LRIG3: variants seen among roughly 807,000 people sequenced by gnomAD.
LRIG3 encodes the protein leucine rich repeats and immunoglobulin like domains 3.
In LRIG3, 76 loss-of-function variants were observed where a neutral mutation model predicts 114.5. The ratio of observed to expected loss-of-function variants is 0.66; its 90% CI spans 0.55 to 0.80. The LOEUF (loss-of-function observed/expected upper bound fraction) is 0.80. Among genes scored for constraint, LRIG3 ranks in the 30% least tolerant of loss-of-function variants. The pLI is 0.00. For missense variants in LRIG3, 1,239 were observed against 1,382.8 expected (o/e 0.90, Z 1.65); for synonymous variants, 512 against 519.8 (o/e 0.98, Z 0.20).
chr12:58,883,635 A>AT, intron 10 of LRIG3, 44 bp from the exon 11 acceptor site: 1 of 1,441,720 alleles, frequency 6.9e-7, no homozygotes, highest in Non-Finnish European at 9.4e-7. Context: ...AACTACCATC[A>AT]TTTCGTGCTT....
intron 10 of LRIG3, among the ~76,000 whole-genome samples, chr12:58,885,313 T>A (rs1213584810): frequency 6.6e-6 from 1 of 152,216 alleles, no homozygotes; most frequent in African/African-American, 2.4e-5. Context: ...AACTCTCCTA[T>A]GTCACTCTTA....
intron 9 of LRIG3, among the ~76,000 whole-genome samples, chr12:58,886,376 A>C (rs1241916718): frequency 6.6e-6 from 1 of 151,980 alleles, no homozygotes; most frequent in Non-Finnish European, 1.5e-5. Context: ...GGTTAATTAT[A>C]AGATGTTTTC....
chr12:58,873,989 GCT>G (rs1239462657), intron 18 of LRIG3, 64 bp downstream of exon 18: 1 of 1,546,082 alleles, frequency 6.5e-7, no homozygotes, highest in South Asian at 1.2e-5. Context: ...GGCTGTCATT[GCT>G]CTCTCACACA....
chr12:58,874,537 A>G lies in LRIG3; in HGVS notation c.2732T>C (p.Val911Ala), dbSNP rs756187986. 1.2e-6 allele frequency: 2 copies of G among 1,614,234 alleles called. No individual in the cohort carries two copies. The highest frequency in any genetic ancestry group is 1.7e-6 in the Non-Finnish European group (2 of 1,180,032). The change falls in exon 17 of 19, where the codon GTG (valine) becomes GCG (alanine). Residue 911 changes from valine to alanine, a missense_variant. By Grantham distance (64) the Val-to-Ala change is moderately conservative (BLOSUM62 0). Transcript: ENST00000320743. ...AAGGAACAGATCTGTGGCAGCTTCC[A>G]CATCAGCTTCACTGCTATTGTCAAT... ...CHIDNSSEAD[V>A]EAATDLFLCP... is the part of the protein sequence containing the mutation.
At chr12:58,894,240 GCTGT>G (rs1396839653) in intron 3 of LRIG3, among the ~76,000 whole-genome samples, 2 of 152,186 alleles carry the variant, frequency 1.3e-5, no homozygotes, top group East Asian at 1.9e-4. Flanking sequence ...CGTGCACAGT[GCTGT>G]CTTTGTCAGC....
intron 8 of LRIG3, among the ~76,000 whole-genome samples, chr12:58,887,362 ATTTAACTCCCT>A (rs545768557): frequency 7.2e-4 from 110 of 152,336 alleles, no homozygotes; most frequent in African/African-American, 2.4e-3. Flanking sequence ...AGGTCAATTA[ATTTAACTCCCT>A]TTTCTTTCTC....
intron 3 of LRIG3, among the ~76,000 whole-genome samples, chr12:58,909,570 T>C (rs1313215289): frequency 6.6e-6 from 1 of 152,236 alleles, no homozygotes; most frequent in East Asian, 1.9e-4. Flanking sequence ...ACATTGTAGT[T>C]GAATGAATCG....
intron 4 of LRIG3, 98 bp from the exon 5 acceptor site, chr12:58,890,237 C>A (rs1027171867): frequency 2.4e-6 from 3 of 1,258,898 alleles, no homozygotes; most frequent in Non-Finnish European, 2.2e-6. Flanking sequence ...AGAACTTAAC[C>A]ATCAATGGAA....
intron 3 of LRIG3, among the ~76,000 whole-genome samples, chr12:58,891,390 G>A (rs1297103313): frequency 6.6e-6 from 1 of 152,074 alleles, no homozygotes; most frequent in African/African-American, 2.4e-5. Flanking sequence ...TTACAGGTGT[G>A]AGCCACCACA....
At chr12:58,904,429 C>T (rs1220378462) in intron 3 of LRIG3, among the ~76,000 whole-genome samples, 3 of 152,148 alleles carry the variant, frequency 2.0e-5, no homozygotes, top group Non-Finnish European at 4.4e-5. Flanking sequence ...GTACCTGATA[C>T]TTTAAAGCAC....
intron 12 of LRIG3, 76 bp downstream of exon 12, chr12:58,882,793 C>G (rs189174444): frequency 1.4e-6 from 2 of 1,456,590 alleles, no homozygotes; most frequent in African/African-American, 2.8e-5. Flanking sequence ...TAAATCTATT[C>G]AAAACCATTA....
At chr12:58,919,916 C>T in intron 1 of LRIG3, 84 bp downstream of exon 1, 5 of 1,341,468 alleles carry the variant, frequency 3.7e-6, no homozygotes, top group Admixed American at 2.0e-5. Flanking sequence ...GGGGACTGCA[C>T]GCCGAACCCC....
chr12:58,874,736 G>A (rs1293231912), intron 16 of LRIG3, among the ~76,000 whole-genome samples, 163 bp from the exon 17 acceptor site: 1 of 152,176 alleles, frequency 6.6e-6, no homozygotes, highest in Non-Finnish European at 1.5e-5. Context: ...AAATTTATTA[G>A]AGGACTTAAT....
intron 8 of LRIG3, among the ~76,000 whole-genome samples, 161 bp downstream of exon 8, chr12:58,887,628 G>A (rs1463124435): frequency 6.6e-6 from 1 of 152,162 alleles, no homozygotes; most frequent in Non-Finnish European, 1.5e-5. Context: ...ACATATGGAT[G>A]AAATGGATCC....
chr12:58,912,852 AT>A (rs1376328293), intron 3 of LRIG3, among the ~76,000 whole-genome samples: 1 of 152,266 alleles, frequency 6.6e-6, no homozygotes, highest in East Asian at 1.9e-4. Flanking sequence ...GAAAAAAGGT[AT>A]TTATGCTAGC....
chr12:58,904,108 C>T (rs1175234025), intron 3 of LRIG3, among the ~76,000 whole-genome samples: 1 of 152,022 alleles, frequency 6.6e-6, no homozygotes, highest in African/African-American at 2.4e-5. Context: ...TGAAGAATTG[C>T]CTTTTCTTTC....
rs185600761 is a variant in LRIG3 at position 58,894,443 on chromosome 12, A to C, written c.384-3647T>G. ...TTAACACAAAACAAACAAACAAAAA[A>C]CTTGCTTTGTATAATAAAGGGGGCT... On this transcript the variant is annotated intron_variant, in intron 3 of 18. Transcript: ENST00000320743. 1.5e-3 allele frequency among the ~76,000 whole-genome samples: 228 copies of C among 152,284 alleles called. 4 individuals are homozygous for C. The highest frequency in any genetic ancestry group is 5.3e-3 in the African/African-American group (219 of 41,540).
intron 3 of LRIG3, among the ~76,000 whole-genome samples, chr12:58,909,291 G>A (rs1467272012): frequency 6.6e-6 from 1 of 152,176 alleles, no homozygotes; most frequent in Non-Finnish European, 1.5e-5. Context: ...TCTTAGAACA[G>A]TACCCAGAAC....
At chr12:58,911,976 T>C (rs1872293971) in intron 3 of LRIG3, among the ~76,000 whole-genome samples, 1 of 152,166 alleles carries the variant, frequency 6.6e-6, no homozygotes, top group African/African-American at 2.4e-5. Flanking sequence ...AGGTAACACA[T>C]TGGATGTATC....
Sources: allele counts gnomAD v4.1 joint callset (sites outside exome capture counted in the v4.1 genomes callset), GRCh38; gene constraint gnomAD v4.1.1; transcripts MANE v1.5; gene names NCBI Gene and HGNC (gene_info 2026-07-23, HGNC 2026-07-21).